Variants in BRF1 observed in about 807,000 individuals in gnomAD.
BRF1 encodes BRF1 general transcription factor IIIB subunit, also known as transcription factor IIIB 90 kDa subunit.
Under a neutral mutation model 81.7 loss-of-function variants are expected in BRF1, and 59 were observed. The observed-to-expected ratio is 0.72, with a 90% CI of 0.59 to 0.90. The LOEUF is 0.90. Among genes scored for constraint, BRF1 ranks in the 40% least tolerant of loss-of-function variants. The pLI, the probability that BRF1 is intolerant of heterozygous loss-of-function variation, is 0.00. For missense variants in BRF1, 1,050 were observed against 936.3 expected (o/e 1.12, Z -1.58); for synonymous variants, 491 against 395.6 (o/e 1.24, Z -2.86).
At position 105,226,599 on chromosome 14, in the gene BRF1, A is replaced by G. The variant is rs999960507; in HGVS notation, c.915+35T>C. Reference sequence around the variant, plus strand: ...GTGTGGCTTCCCCCCAAGGCTGGCAAGCCCAGCACAGACAGACACCAAAGC... The same window carrying G: ...GTGTGGCTTCCCCCCAAGGCTGGCAGGCCCAGCACAGACAGACACCAAAGC... On this transcript the variant is annotated intron_variant, in intron 8 of 17. Coordinates refer to ENST00000547530, the MANE Select transcript of BRF1 (RefSeq NM_001519.4). 6 of 1,610,788 alleles carry G rather than the reference A, an allele frequency of 3.7e-6. No individual in the cohort carries two copies. In the East Asian group the frequency reaches 1.1e-4, roughly 30 times the overall value.
intron 8 of BRF1, 150 bp downstream of exon 8, chr14:105,226,484 C>T (rs371720069): frequency 1.6e-5 from 24 of 1,485,468 alleles, no homozygotes; most frequent in Middle Eastern, 2.4e-4. Context: ...AGGGGCATCC[C>T]GGAGCCTCGG....
At chr14:105,250,660 T>C in intron 5 of BRF1, 1 of 1,607,460 alleles carries the variant, frequency 6.2e-7, no homozygotes, top group Non-Finnish European at 8.5e-7. Context: ...CTGAGCTCAT[T>C]TTCTATGCCT....
chr14:105,250,027 CAA>C (rs773288284), intron 5 of BRF1: 3 of 1,612,980 alleles, frequency 1.9e-6, no homozygotes, highest in Non-Finnish European at 2.5e-6. Flanking sequence ...CCCCACGAAA[CAA>C]GAGGCATGTT....
intron 5 of BRF1, chr14:105,250,282 C>G (rs150914165): frequency 1.1e-5 from 17 of 1,613,118 alleles, no homozygotes; most frequent in Non-Finnish European, 1.4e-5. Flanking sequence ...ACCGCGGGCG[C>G]TGCGACAGCA....
chr14:105,313,084 C>T (rs1447510489), intron 1 of BRF1, among the ~76,000 whole-genome samples: 1 of 152,192 alleles, frequency 6.6e-6, no homozygotes, highest in Admixed American at 6.6e-5. Flanking sequence ...GGTGCCAAGC[C>T]CTGCTGTGCA....
chr14:105,247,980 G>C, intron 5 of BRF1: 2 of 985,492 alleles, frequency 2.0e-6, no homozygotes, highest in Non-Finnish European at 2.4e-6. Context: ...CAGAGGCAGG[G>C]CGCGCCCTGG....
chr14:105,226,389 G>T, intron 8 of BRF1, 99 bp from the exon 9 acceptor site: 3 of 1,532,604 alleles, frequency 2.0e-6, no homozygotes, highest in South Asian at 1.1e-5. Flanking sequence ...CAGGCTGCTA[G>T]AACTTAGGGG....
intron 1 of BRF1, among the ~76,000 whole-genome samples, chr14:105,297,547 G>A (rs914898569): frequency 1.1e-4 from 16 of 152,078 alleles, no homozygotes; most frequent in African/African-American, 3.9e-4. Flanking sequence ...TTCAGCGTGG[G>A]TGACAGGGTG....
At position 105,221,164 on chromosome 14, in the gene BRF1, C is replaced by G. The variant is rs1450666695; in HGVS notation, c.1315+484G>C. Among the ~76,000 whole-genome samples the G allele has an allele frequency of 2.0e-5, 3 of 152,320 alleles. No individual in the cohort carries two copies. The East Asian group carries it at 5.8e-4, about 29-fold the overall frequency. On this transcript the variant is annotated intron_variant, in intron 11 of 17. Transcript: ENST00000547530. Reference sequence around the variant, plus strand: ...TCCTGGCAGGGATGGGGGATGGGACCCACCTTTCTCCTAGAGCTCCCAGCC... The same window carrying G: ...TCCTGGCAGGGATGGGGGATGGGACGCACCTTTCTCCTAGAGCTCCCAGCC...
chr14:105,288,356 G>T (rs1055660656), intron 1 of BRF1, among the ~76,000 whole-genome samples: 2 of 152,076 alleles, frequency 1.3e-5, no homozygotes, highest in Non-Finnish European at 2.9e-5. Flanking sequence ...GGAGGCTGAG[G>T]CAGGAGAATC....
At position 105,315,053 on chromosome 14, in the gene BRF1, C is replaced by A. The variant is rs1163103879; in HGVS notation, c.-162+269G>T. ...GCGTGCCCAGGTACGCGCCGCCCGC[C>A]GCGCTTTGTTCCCGCCGGGCACCTG... On this transcript the variant is annotated intron_variant, in intron 1 of 17. Coordinates refer to the BRF1 transcript ENST00000327359. The surrounding 1 kb of genome is among the most constrained non-coding windows in gnomAD (Gnocchi z 4.4). The A allele has an allele frequency of 1.7e-6, 2 of 1,164,118 alleles. No homozygotes were observed. The highest frequency in any genetic ancestry group is 1.7e-5 in the African/African-American group (1 of 60,568). 72.1% of individuals were successfully genotyped at this position (1,164,118 alleles called of 1,614,324 possible). A position where few individuals can be genotyped will look rare whatever the true frequency, so the allele number is the denominator to read the frequency against.
At chr14:105,252,675 G>A in intron 4 of BRF1, 96 bp from the exon 5 acceptor site, 3 of 1,322,724 alleles carry the variant, frequency 2.3e-6, no homozygotes, top group African/African-American at 2.9e-5. Context: ...AGTCTTTAAA[G>A]ACTCCGATGG....
chr14:105,245,623 T>C (rs1017452155), intron 5 of BRF1, among the ~76,000 whole-genome samples: 2 of 151,820 alleles, frequency 1.3e-5, no homozygotes, highest in African/African-American at 4.8e-5. Context: ...GAAATGACAA[T>C]GACAGACAGA....
intron 10 of BRF1, among the ~76,000 whole-genome samples, chr14:105,223,176 G>A (rs971051000): frequency 1.3e-5 from 2 of 152,324 alleles, no homozygotes; most frequent in African/African-American, 4.8e-5. Flanking sequence ...CTGGGTGACA[G>A]AGTAAGACCG....
At chr14:105,286,628 C>T (rs112214155) in intron 1 of BRF1, among the ~76,000 whole-genome samples, 42 of 151,876 alleles carry the variant, frequency 2.8e-4, no homozygotes, top group African/African-American at 7.2e-4. Context: ...TTTTTTGAGA[C>T]GGAGTCTCCC....
chr14:105,226,754 C>G lies in BRF1; in HGVS notation c.795G>C (p.Thr265=), dbSNP rs777910233. 1 of 1,613,574 alleles carries G rather than the reference C, an allele frequency of 6.2e-7. No individual in the cohort carries two copies. Among genetic ancestry groups the G allele is most frequent in the Non-Finnish European group, 8.5e-7 (1 of 1,180,008 alleles). Residue 265 remains threonine (T), a synonymous_variant, in exon 8 of 18, where the codon ACG becomes ACC. Transcript: ENST00000547530. ...GACTGGTGGGGGTGTCTTCAAATTC[C>G]GTGAGCCTAAAATGGAGCCAGACAT... The part of the protein sequence containing the change: ...VCESTLRKRL[T]EFEDTPTSQL...
intron 2 of BRF1, among the ~76,000 whole-genome samples, chr14:105,280,799 G>A (rs587733677): frequency 6.6e-6 from 1 of 150,784 alleles, no homozygotes; most frequent in African/African-American, 2.4e-5. Flanking sequence ...TGCAGGTGGA[G>A]GCTGCATAAT....
At position 105,210,633 on chromosome 14, in the gene BRF1, C is replaced by T; in HGVS notation, c.1997-45G>A. ...TGAAGCCCAGGGTCTCTGTGGGACC[C>T]AGGAGCCCAGACCCCCCAACCCGCC... On this transcript the variant is annotated intron_variant, in intron 17 of 17. Transcript: ENST00000547530. This position sits in a 1 kb window ranked among gnomAD's most constrained non-coding sequence, Gnocchi z 4.7. 6.2e-7 allele frequency: 1 copy of T among 1,605,318 alleles called. No individual in the cohort carries two copies. Among genetic ancestry groups the T allele is most frequent in the African/African-American group, 1.3e-5 (1 of 74,968 alleles).
chr14:105,294,280 T>G (rs1016706278), intron 1 of BRF1, among the ~76,000 whole-genome samples: 3 of 152,106 alleles, frequency 2.0e-5, no homozygotes, highest in African/African-American at 7.2e-5. Flanking sequence ...CTCCAGAGAG[T>G]GTGCCTGGGC....
Sources: gnomAD v4.1 joint callset for allele counts (sites outside exome capture counted in the v4.1 genomes callset) on GRCh38, gnomAD v4.1.1 for gene constraint, Gnocchi (gnomAD v3.1) non-coding constraint, MANE v1.5 for transcripts, NCBI Gene and HGNC (gene_info 2026-07-23, HGNC 2026-07-21) for gene names.